SGIP1: variants seen among roughly 807,000 people sequenced by gnomAD.
SGIP1 encodes SH3-containing GRB2-like protein 3-interacting protein 1.
In SGIP1, 38 loss-of-function variants were observed where a neutral mutation model predicts 107.5. That is an observed-to-expected ratio of 0.35 (90% CI 0.27 to 0.46). The LOEUF is 0.46. SGIP1 is among the 20% of genes least tolerant of loss of function. The probability of loss-of-function intolerance (pLI) is 1.00; values close to 1 mark genes in which losing one functional copy is unlikely to be tolerated. For missense variants in SGIP1, 929 were observed against 1,019.5 expected, an observed-to-expected ratio of 0.91 and a Z score of 1.21; for synonymous variants, 365 against 366.1, an observed-to-expected ratio of 1.00 and a Z score of 0.03.
intron 18 of SGIP1, among the ~76,000 whole-genome samples, chr1:66,695,953 T>C (rs899414375): frequency 5.9e-5 from 9 of 152,184 alleles, no homozygotes; most frequent in African/African-American, 1.9e-4. Flanking sequence ...AATATGTAAA[T>C]ACATTCTTAT....
In SGIP1 at chr1:66,660,205, A is replaced by G. The variant is rs866229891; in HGVS notation, c.460-308A>G. The G allele has an allele frequency of 8.6e-5, 18 of 208,522 alleles. 2 individuals are homozygous for G. The South Asian group carries it at 9.6e-4, about 11-fold the overall frequency. The allele number at this position is 208,522 out of a possible 1,614,324, so 12.9% of individuals were successfully genotyped here. Reference sequence around the variant, plus strand: ...AAAGAAAGAAAGAAAGAAAGAAAGAAAGAAAGAAAGAGAAAGAAAGAAAGA... The same window carrying G: ...AAAGAAAGAAAGAAAGAAAGAAAGAGAGAAAGAAAGAGAAAGAAAGAAAGA... On this transcript the variant is annotated intron_variant, in intron 7 of 24. Coordinates refer to ENST00000371037, the MANE Select transcript of SGIP1 (RefSeq NM_032291.4).
At chr1:66,678,704 T>C (rs1162582913) in intron 13 of SGIP1, among the ~76,000 whole-genome samples, 1 of 152,032 alleles carries the variant, frequency 6.6e-6, no homozygotes, top group Non-Finnish European at 1.5e-5. Flanking sequence ...CTAAAAATAA[T>C]AAATAAAGTA....
chr1:66,749,458 T>C lies in SGIP1; in HGVS notation c.*6363T>C, dbSNP rs182198805. ...TTTCATAGGGTTTTTTTTTTGCTGT[T>C]TTTTTTTCTTTTTTTGCTTTGCTTT... On this transcript the variant is annotated 3_prime_UTR_variant, in exon 25 of 25. Transcript: ENST00000371037. 6.6e-6 allele frequency among the ~76,000 whole-genome samples: 1 copy of C among 151,842 alleles called. No individual in the cohort carries two copies. Among genetic ancestry groups the C allele is most frequent in the African/African-American group, 2.4e-5 (1 of 41,470 alleles).
intron 21 of SGIP1, among the ~76,000 whole-genome samples, chr1:66,737,447 C>T (rs624277): frequency 0.62 from 94,662 of 151,920 alleles, 30,400 homozygotes; most frequent in Non-Finnish European, 0.71. Context: ...AATCCTAACA[C>T]TTTGGGAGGC....
chr1:66,743,294 A>T lies in SGIP1; in HGVS notation c.*199A>T, dbSNP rs1165985566. ...TCCTACAGTATTTACTTCTAGGTGT[A>T]ATATTGTTAATGGTTTTAAAATGTA... On this transcript the variant is annotated 3_prime_UTR_variant, in exon 25 of 25. Transcript: ENST00000371037. 1 of 472,394 alleles carries T rather than the reference A, an allele frequency of 2.1e-6. No homozygotes were observed. The highest frequency in any genetic ancestry group is 3.8e-6 in the Non-Finnish European group (1 of 265,028). The allele number at this position is 472,394 out of a possible 1,614,324, so 29.3% of individuals were successfully genotyped here.
intron 1 of SGIP1, among the ~76,000 whole-genome samples, chr1:66,601,319 C>A (rs1161191644): frequency 2.0e-5 from 3 of 152,100 alleles, no homozygotes; most frequent in African/African-American, 4.8e-5. Context: ...GAGCCGAGAT[C>A]GCGCCACTGC....
intron 19 of SGIP1, among the ~76,000 whole-genome samples, chr1:66,722,831 A>G (rs2093603422): frequency 6.6e-6 from 1 of 152,018 alleles, no homozygotes; most frequent in African/African-American, 2.4e-5. Flanking sequence ...GGTAGTCTGC[A>G]CCTGTAAGCT....
intron 7 of SGIP1, among the ~76,000 whole-genome samples, chr1:66,649,910 T>C (rs935069118): frequency 6.6e-6 from 1 of 152,242 alleles, no homozygotes; most frequent in Non-Finnish European, 1.5e-5. Context: ...ACTTTTGGTA[T>C]GTTGAAAACC....
intron 21 of SGIP1, among the ~76,000 whole-genome samples, chr1:66,738,019 G>A (rs1383825290): frequency 4.6e-5 from 7 of 151,952 alleles, no homozygotes; most frequent in East Asian, 1.9e-4. Context: ...AACTACTGCT[G>A]AGGACAGAGT....
At chr1:66,707,497 C>T (rs561568936) in intron 18 of SGIP1, among the ~76,000 whole-genome samples, 15 of 152,164 alleles carry the variant, frequency 9.9e-5, no homozygotes, top group Admixed American at 5.2e-4. Context: ...ATTAGCTTTC[C>T]AGAATTTACT....
At chr1:66,544,367 C>T (rs184230374) in intron 1 of SGIP1, among the ~76,000 whole-genome samples, 1 of 152,298 alleles carries the variant, frequency 6.6e-6, no homozygotes, top group Non-Finnish European at 1.5e-5. Context: ...CAAGCAGTTT[C>T]CCAAAGTTGA....
intron 18 of SGIP1, among the ~76,000 whole-genome samples, chr1:66,716,029 A>G (rs1464130739): frequency 4.6e-5 from 7 of 152,118 alleles, no homozygotes; most frequent in Middle Eastern, 6.3e-3. Context: ...CAGGCCTACA[A>G]AATGGGTATC....
rs761927780 is a variant in SGIP1 at position 66,635,987 on chromosome 1, G to A, written c.143G>A (p.Cys48Tyr). 3 of 1,613,746 alleles carry A rather than the reference G, an allele frequency of 1.9e-6. No individual in the cohort carries two copies. Among genetic ancestry groups the A allele is most frequent in the Admixed American group, 1.7e-5 (1 of 59,952 alleles). The part of the protein sequence containing the change: ...HEPPYNSKAE[C>Y]AREGGKKVSK... ...CCACCCTACAATAGCAAAGCAGAGT[G>A]TGCGCGTGAAGGAGGAAAAAAAGTT... Residue 48 changes from cysteine (C) to tyrosine (Y), a missense_variant, in exon 4 of 25, where the codon TGT becomes TAT. Cys to Tyr is a radical substitution (Grantham distance 194, BLOSUM62 -2). This residue lies in a region of SGIP1 where 588 missense variants were observed against 588.6 expected (regional missense o/e 1.00). Coordinates refer to ENST00000371037, the MANE Select transcript of SGIP1 (RefSeq NM_032291.4).
At chr1:66,627,529 A>G (rs1190424284) in intron 2 of SGIP1, among the ~76,000 whole-genome samples, 1 of 152,164 alleles carries the variant, frequency 6.6e-6, no homozygotes, top group African/African-American at 2.4e-5. Flanking sequence ...TGAAACCATG[A>G]AAGTTTTTAA....
chr1:66,715,061 G>T (rs757549401), intron 18 of SGIP1, among the ~76,000 whole-genome samples: 11 of 152,038 alleles, frequency 7.2e-5, no homozygotes, highest in Admixed American at 5.3e-4. Flanking sequence ...ACATTGATCT[G>T]CATTTTGATT....
intron 1 of SGIP1, among the ~76,000 whole-genome samples, chr1:66,556,047 A>G (rs1288892393): frequency 3.9e-5 from 6 of 152,164 alleles, no homozygotes; most frequent in Non-Finnish European, 8.8e-5. Context: ...ACAGGAAAAT[A>G]TTGAGTATCT....
At chr1:66,642,478 A>G (rs1356696195) in intron 5 of SGIP1, among the ~76,000 whole-genome samples, 1 of 152,158 alleles carries the variant, frequency 6.6e-6, no homozygotes, top group East Asian at 1.9e-4. Context: ...ACACACTTCA[A>G]TTTCCCTGAG....
At chr1:66,634,139 A>G (rs753660927) in intron 3 of SGIP1, 53 of 1,610,258 alleles carry the variant, frequency 3.3e-5, no homozygotes, top group South Asian at 1.7e-4. Flanking sequence ...TCTGGCTCAG[A>G]GCCCTCTCGT....
At chr1:66,569,952 G>A (rs1450285945) in intron 1 of SGIP1, among the ~76,000 whole-genome samples, 1 of 151,692 alleles carries the variant, frequency 6.6e-6, no homozygotes, top group Non-Finnish European at 1.5e-5. Flanking sequence ...AGGTTTGACA[G>A]ATTTTGTCTT....
Sources: gnomAD v4.1 joint callset for allele counts (sites outside exome capture counted in the v4.1 genomes callset) on GRCh38, gnomAD v4.1.1 for gene constraint, gnomAD v4.1.1 regional missense constraint, MANE v1.5 for transcripts, NCBI Gene and HGNC (gene_info 2026-07-23, HGNC 2026-07-21) for gene names.